PRR16: variants seen among roughly 807,000 people sequenced by gnomAD.
PRR16 encodes the protein proline rich 16.
Under a neutral mutation model 18.2 loss-of-function variants are expected in PRR16, and 6 were observed. That is an observed-to-expected ratio of 0.33 (90% CI 0.18 to 0.65). PRR16 has a LOEUF of 0.65. Among genes scored for constraint, PRR16 ranks in the 30% least tolerant of loss-of-function variants. PRR16 has a pLI of 0.74. For missense variants in PRR16, 412 were observed against 376.6 expected, an observed-to-expected ratio of 1.09 and a Z score of -0.78; for synonymous variants, 151 against 147.8, an observed-to-expected ratio of 1.02 and a Z score of -0.16.
chr5:120,620,594 T>C (rs1439400878), intron 1 of PRR16, among the ~76,000 whole-genome samples: 2 of 152,158 alleles, frequency 1.3e-5, no homozygotes, highest in Non-Finnish European at 2.9e-5. Flanking sequence ...TAAAATGTTG[T>C]CTGTCAAGGT....
intron 1 of PRR16, among the ~76,000 whole-genome samples, chr5:120,603,859 G>C (rs1176593985): frequency 1.3e-5 from 2 of 151,838 alleles, no homozygotes; most frequent in Non-Finnish European, 2.9e-5. Context: ...TAATTATATT[G>C]TTTTGAGAGA....
chr5:120,724,407 A>T, the PRR16 span, among the ~76,000 whole-genome samples: 1 of 152,030 alleles, frequency 6.6e-6, no homozygotes, highest in Non-Finnish European at 1.5e-5. Context: ...TAAACTGGGG[A>T]TGAGGATTGC....
At chr5:120,753,544 G>A in the PRR16 span, among the ~76,000 whole-genome samples, 1 of 151,568 alleles carries the variant, frequency 6.6e-6, no homozygotes, top group African/African-American at 2.4e-5. Context: ...ATATCTGTGT[G>A]TTTATTTTTT....
chr5:120,775,163 T>C, the PRR16 span, among the ~76,000 whole-genome samples: 1 of 152,186 alleles, frequency 6.6e-6, no homozygotes, highest in Admixed American at 6.5e-5. Flanking sequence ...AATTAGACTT[T>C]CCACTTTAAC....
chr5:120,609,532 A>G (rs546738881), intron 1 of PRR16, among the ~76,000 whole-genome samples: 60 of 152,334 alleles, frequency 3.9e-4, no homozygotes, highest in African/African-American at 1.4e-3. Flanking sequence ...ATGAAGAGCC[A>G]TTTAGCTAAG....
chr5:120,662,013 G>C (rs957943206), intron 1 of PRR16, among the ~76,000 whole-genome samples: 35 of 152,072 alleles, frequency 2.3e-4, no homozygotes, highest in African/African-American at 7.5e-4. Context: ...TCATGGTATA[G>C]GCACAGCTGG....
chr5:120,590,707 A>C (rs1310454435), intron 1 of PRR16, among the ~76,000 whole-genome samples: 1 of 152,064 alleles, frequency 6.6e-6, no homozygotes, highest in African/African-American at 2.4e-5. Flanking sequence ...CAGCTTCTAT[A>C]ATTATAAAAT....
chr5:120,777,533 T>C, the PRR16 span, among the ~76,000 whole-genome samples: 19 of 151,212 alleles, frequency 1.3e-4, no homozygotes, highest in South Asian at 3.3e-3. Flanking sequence ...CTATTCTCAT[T>C]AGTTTTGTCC....
At chr5:120,737,458 A>C in the PRR16 span, among the ~76,000 whole-genome samples, 1 of 151,496 alleles carries the variant, frequency 6.6e-6, no homozygotes, top group Admixed American at 6.6e-5. Flanking sequence ...ATGGTGAGCC[A>C]TACTTGTATT....
At chr5:120,753,317 C>T in the PRR16 span, among the ~76,000 whole-genome samples, 1 of 151,938 alleles carries the variant, frequency 6.6e-6, no homozygotes, top group Admixed American at 6.6e-5. Flanking sequence ...GGAAATAAGA[C>T]CACAGGAGGT....
the PRR16 span, among the ~76,000 whole-genome samples, chr5:120,725,889 G>A: frequency 6.6e-6 from 1 of 152,132 alleles, no homozygotes; most frequent in East Asian, 1.9e-4. Context: ...AAGAACCCCT[G>A]CCATCTAAGG....
intron 1 of PRR16, among the ~76,000 whole-genome samples, chr5:120,559,248 C>G (rs769552065): frequency 6.6e-6 from 1 of 151,756 alleles, no homozygotes; most frequent in Non-Finnish European, 1.5e-5. Context: ...GAGAGTTCCC[C>G]GAATATTTTT....
intron 1 of PRR16, 109 bp from the exon 2 acceptor site, chr5:120,685,845 A>T (rs1757099985): frequency 9.0e-7 from 1 of 1,109,920 alleles, no homozygotes; most frequent in African/African-American, 1.6e-5. Context: ...GTTCAGTTCA[A>T]TATCAGTTAA....
At chr5:120,518,463 GGTAC>G (rs1214798469) in intron 1 of PRR16, among the ~76,000 whole-genome samples, 1 of 152,010 alleles carries the variant, frequency 6.6e-6, no homozygotes, top group Non-Finnish European at 1.5e-5. Context: ...CATGGAAACT[GGTAC>G]CCAAATGCAT....
chr5:120,611,385 G>A (rs1754327597), intron 1 of PRR16, among the ~76,000 whole-genome samples: 1 of 152,118 alleles, frequency 6.6e-6, no homozygotes, highest in African/African-American at 2.4e-5. Context: ...ACGTCTCCAG[G>A]CTATGTCAGA....
intron 1 of PRR16, among the ~76,000 whole-genome samples, chr5:120,525,644 A>G: frequency 6.8e-6 from 1 of 147,852 alleles, no homozygotes; most frequent in East Asian, 2.0e-4. Context: ...CTTAGGCAGG[A>G]AATTCTGCTA....
At chr5:120,674,242 G>T (rs1363429125) in intron 1 of PRR16, among the ~76,000 whole-genome samples, 1 of 151,972 alleles carries the variant, frequency 6.6e-6, no homozygotes, top group African/African-American at 2.4e-5. Context: ...ATATGCTGTT[G>T]TCTCTGCCCC....
At chr5:120,747,994 C>A in the PRR16 span, among the ~76,000 whole-genome samples, 1 of 151,982 alleles carries the variant, frequency 6.6e-6, no homozygotes, top group Non-Finnish European at 1.5e-5. Context: ...ATTTACGAAT[C>A]GTTGCTGCCA....
chr5:120,774,796 T>G, the PRR16 span, among the ~76,000 whole-genome samples: 2 of 151,976 alleles, frequency 1.3e-5, no homozygotes, highest in African/African-American at 4.8e-5. Context: ...TACAAGGGAG[T>G]CCATGAATAG....
Sources: gnomAD v4.1 joint callset for allele counts (sites outside exome capture counted in the v4.1 genomes callset) on GRCh38, gnomAD v4.1.1 for gene constraint, MANE v1.5 for transcripts, NCBI Gene and HGNC (gene_info 2026-07-23, HGNC 2026-07-21) for gene names.